ERI3: variants seen among roughly 807,000 people sequenced by gnomAD.
The protein encoded by ERI3 is ERI1 exoribonuclease 3.
A neutral mutation model predicts 44.4 loss-of-function variants in ERI3; 18 were observed. The ratio of observed to expected loss-of-function variants is 0.41; its 90% CI spans 0.28 to 0.60. The LOEUF (loss-of-function observed/expected upper bound fraction) is 0.60, where lower values mean the gene tolerates loss of function less well. ERI3 is among the 20% of genes least tolerant of loss of function. ERI3 has a pLI of 0.36. For missense variants in ERI3, 294 were observed against 435.5 expected, an observed-to-expected ratio of 0.68 and a Z score of 2.89; for synonymous variants, 183 against 164.8, an observed-to-expected ratio of 1.11 and a Z score of -0.84.
intron 3 of ERI3, among the ~76,000 whole-genome samples, chr1:44,330,265 G>A (rs1268839789): frequency 6.6e-6 from 1 of 152,194 alleles, no homozygotes; most frequent in African/African-American, 2.4e-5. Flanking sequence ...GCCTCTGCCA[G>A]CACCTAACCC....
intron 2 of ERI3, among the ~76,000 whole-genome samples, chr1:44,342,343 G>C (rs1391700005): frequency 6.6e-6 from 1 of 152,064 alleles, no homozygotes; most frequent in Non-Finnish European, 1.5e-5. Flanking sequence ...GCAGTAATGA[G>C]GATTAGCTAC....
At chr1:44,227,048 T>G (rs1175834336) in intron 8 of ERI3, among the ~76,000 whole-genome samples, 2 of 151,102 alleles carry the variant, frequency 1.3e-5, no homozygotes, top group Non-Finnish European at 2.9e-5. Flanking sequence ...GAGGCAGGAG[T>G]GAATGTATGT....
chr1:44,247,036 T>C (rs1031914695), intron 8 of ERI3, among the ~76,000 whole-genome samples: 2 of 152,116 alleles, frequency 1.3e-5, no homozygotes, highest in African/African-American at 4.8e-5. Flanking sequence ...CATGCACACA[T>C]GTGCATATGC....
intron 3 of ERI3, chr1:44,323,138 T>C (rs1226524659): frequency 1.7e-5 from 6 of 349,774 alleles, no homozygotes; most frequent in Non-Finnish European, 3.1e-5. Flanking sequence ...ACCAGCCCTC[T>C]TTCCCTATCC....
At chr1:44,251,880 C>T (rs1457505470) in intron 7 of ERI3, among the ~76,000 whole-genome samples, 1 of 152,168 alleles carries the variant, frequency 6.6e-6, no homozygotes, top group Admixed American at 6.5e-5. Context: ...CCCTCTCCTG[C>T]CAGCTTGGGG....
intron 6 of ERI3, among the ~76,000 whole-genome samples, chr1:44,304,357 C>T (rs541767177): frequency 6.9e-4 from 105 of 152,156 alleles, no homozygotes; most frequent in African/African-American, 2.4e-3. Context: ...AGAAACACCA[C>T]TATTTAAGAA....
At chr1:44,318,463 G>A (rs1022115760) in intron 4 of ERI3, among the ~76,000 whole-genome samples, 9 of 152,218 alleles carry the variant, frequency 5.9e-5, no homozygotes, top group Admixed American at 1.3e-4. Context: ...GGGGAAAGGG[G>A]AAACCCCGGC....
chr1:44,339,966 G>T (rs186248309), intron 2 of ERI3, among the ~76,000 whole-genome samples: 1 of 152,326 alleles, frequency 6.6e-6, no homozygotes, highest in Admixed American at 6.5e-5. Flanking sequence ...GGAATGAACA[G>T]TGCCTGGAGA....
At chr1:44,323,311 T>C (rs375546512) in intron 3 of ERI3, among the ~76,000 whole-genome samples, 12 of 152,216 alleles carry the variant, frequency 7.9e-5, no homozygotes, top group Admixed American at 3.3e-4. Context: ...GTGGAAAAGA[T>C]AGGCAAACAA....
chr1:44,354,279 A>G, intron 1 of ERI3: 4 of 985,474 alleles, frequency 4.1e-6, no homozygotes, highest in Non-Finnish European at 4.8e-6. Flanking sequence ...TCTCGCAGAC[A>G]CAACGATGGG....
At chr1:44,340,149 CAAA>C (rs35880098) in intron 2 of ERI3, among the ~76,000 whole-genome samples, 48 of 121,048 alleles carry the variant, frequency 4.0e-4, no homozygotes, top group Non-Finnish European at 3.7e-4. Flanking sequence ...TGAACATGTG[CAAA>C]AAAAAAAAAA....
chr1:44,237,241 C>G (rs1043097391), intron 8 of ERI3, among the ~76,000 whole-genome samples: 4 of 152,204 alleles, frequency 2.6e-5, no homozygotes, highest in Non-Finnish European at 4.4e-5. Flanking sequence ...TCACCTCCCA[C>G]AAAGGAGCAT....
At position 44,308,904 on chromosome 1, in the gene ERI3, T is replaced by C. The variant is rs1645895505; in HGVS notation, c.667-503A>G. On this transcript the variant is annotated intron_variant, in intron 5 of 8. Coordinates refer to ENST00000372257, the MANE Select transcript of ERI3 (RefSeq NM_024066.3). ...TCACCAAATGAAGGTGACAAACATT[T>C]TCACCTTAAGAGGCCCCTTTACTGG... Among the ~76,000 whole-genome samples, 5 of 152,296 alleles carry C rather than the reference T, an allele frequency of 3.3e-5. No individual in the cohort carries two copies. The South Asian group carries it at 1.0e-3, about 32-fold the overall frequency.
chr1:44,288,209 A>T (rs1206253704), intron 6 of ERI3, among the ~76,000 whole-genome samples: 3 of 152,186 alleles, frequency 2.0e-5, no homozygotes, highest in African/African-American at 7.2e-5. Context: ...CCTGAGTGCC[A>T]TTCTGAATCC....
At chr1:44,223,449 G>T (rs1018323613) in intron 8 of ERI3, among the ~76,000 whole-genome samples, 27 of 152,016 alleles carry the variant, frequency 1.8e-4, no homozygotes, top group Non-Finnish European at 3.7e-4. Context: ...CTATGATAGG[G>T]TGATTTTCTT....
intron 8 of ERI3, among the ~76,000 whole-genome samples, chr1:44,239,275 TG>T (rs1644380341): frequency 6.6e-6 from 1 of 152,140 alleles, no homozygotes; most frequent in African/African-American, 2.4e-5. Flanking sequence ...CTATGATATC[TG>T]GTGTGGGGGT....
At chr1:44,266,950 G>A (rs566078761) in intron 7 of ERI3, among the ~76,000 whole-genome samples, 46 of 152,258 alleles carry the variant, frequency 3.0e-4, no homozygotes, top group African/African-American at 1.0e-3. Context: ...AGATAGGCTC[G>A]TCCTGAACAT....
Position 44,355,119 on chromosome 1 carries a change from TGGCGGCGGCGGGCGC to T in ERI3, c.-108_-94del, listed in dbSNP as rs1328021219. On this transcript the variant is annotated 5_prime_UTR_variant, in exon 1 of 9. Transcript: ENST00000372257. ...GGCCTCAGCAAGCGCTCAGGGCAGT[TGGCGGCGGCGGGCGC>T]GGCCCGCGCCGACTGCGGCGCCGGC... 1 of 1,237,956 alleles carries T rather than the reference TGGCGGCGGCGGGCGC, an allele frequency of 8.1e-7. No homozygotes were observed. Among genetic ancestry groups the T allele is most frequent in the Non-Finnish European group, 1.0e-6 (1 of 985,256 alleles). The allele number at this position is 1,237,956 out of a possible 1,614,324, so 76.7% of individuals were successfully genotyped here. A position where few individuals can be genotyped will look rare whatever the true frequency, so the allele number is the denominator to read the frequency against.
chr1:44,354,990 C>A lies in ERI3; in HGVS notation c.37G>T (p.Gly13Trp). Residue 13 changes from glycine to tryptophan, a missense_variant, in exon 1 of 9, where the codon GGG becomes TGG. By Grantham distance (184) the Gly-to-Trp change is radical (BLOSUM62 -2). This residue lies in a region of ERI3 where 107 missense variants were observed against 96.9 expected (regional missense o/e 1.10). Coordinates refer to ENST00000372257, the MANE Select transcript of ERI3 (RefSeq NM_024066.3). ...ACCAGCCCTCCTTCCCAGGGCCGCC[C>A]CCGCCCCCCGTCAGCAGCGGGAGAG... ...TASPAADGGR[G>W]RPWEGGLVSW... The A allele has an allele frequency of 7.3e-7, 1 of 1,373,352 alleles. No homozygotes were observed. Among genetic ancestry groups the A allele is most frequent in the Non-Finnish European group, 9.5e-7 (1 of 1,058,178 alleles). The allele number at this position is 1,373,352 out of a possible 1,614,324, so 85.1% of individuals were successfully genotyped here. A position where few individuals can be genotyped will look rare whatever the true frequency, so the allele number is the denominator to read the frequency against.
Sources: allele counts gnomAD v4.1 joint callset (sites outside exome capture counted in the v4.1 genomes callset), GRCh38; gene constraint gnomAD v4.1.1; regional missense constraint gnomAD v4.1.1; transcripts MANE v1.5; gene names NCBI Gene and HGNC (gene_info 2026-07-23, HGNC 2026-07-21).